The following PPFIBP2 variants were observed in gnomAD, a reference collection of about 807,000 sequenced individuals.
PPFIBP2 encodes the protein liprin-beta-2.
In PPFIBP2, 118 loss-of-function variants were observed where a neutral mutation model predicts 118.3. That is an observed-to-expected ratio of 1.00 (90% CI 0.86 to 1.16). PPFIBP2 has a LOEUF of 1.16. PPFIBP2 is among the 50% of genes most tolerant of loss of function. The pLI is 0.00. For missense variants in PPFIBP2, 1,195 were observed against 1,073.1 expected, an observed-to-expected ratio of 1.11 and a Z score of -1.59; for synonymous variants, 414 against 397.4, an observed-to-expected ratio of 1.04 and a Z score of -0.50.
rs118167257 is a variant in PPFIBP2 at position 7,519,941 on chromosome 11, T to C, written c.-37+5820T>C. 6.7e-3 allele frequency among the ~76,000 whole-genome samples: 1,020 copies of C among 152,294 alleles called. 6 individuals are homozygous for C. Among genetic ancestry groups the C allele is most frequent in the Non-Finnish European group, 0.011 (720 of 68,016 alleles). On this transcript the variant is annotated intron_variant, in intron 1 of 23. Transcript: ENST00000299492. The stretch of plus-strand genomic sequence containing the variant: ...AGGTGAGATCAGTGACTGATCTGCA[T>C]GCACAGAGAGGCGACTGGAGGCTAA...
Position 7,641,701 on chromosome 11 carries a change from G to T in PPFIBP2, c.1517+81G>T. ...GGCAAAGAGTCTATGTAAGCCCCTG[G>T]TCCAATAGACACTGAAACAGCAGTC... On this transcript the variant is annotated intron_variant, in intron 16 of 23. Coordinates refer to ENST00000299492, the MANE Select transcript of PPFIBP2 (RefSeq NM_003621.5). 2.2e-6 allele frequency: 3 copies of T among 1,376,710 alleles called. No homozygotes were observed. In the South Asian group the frequency reaches 4.0e-5, roughly 18 times the overall value. The allele number at this position is 1,376,710 out of a possible 1,614,324, so 85.3% of individuals were successfully genotyped here.
chr11:7,549,567 G>GGTCT, intron 2 of PPFIBP2, 28 bp downstream of exon 2: 2 of 1,515,158 alleles, frequency 1.3e-6, no homozygotes, highest in Non-Finnish European at 1.8e-6. Flanking sequence ...CAGCAACCAA[G>GGTCT]GTCTCATCCT....
chr11:7,574,236 C>G (rs1856000375), intron 3 of PPFIBP2, among the ~76,000 whole-genome samples: 1 of 152,172 alleles, frequency 6.6e-6, no homozygotes, highest in Non-Finnish European at 1.5e-5. Context: ...AAAGTACTTC[C>G]AGGAAGGCCT....
Position 7,642,415 on chromosome 11 carries a change from G to A in PPFIBP2, c.1635G>A (p.Lys545=). The change falls in exon 17 of 24, where the codon AAG becomes AAA. Residue 545 remains lysine (K), a synonymous_variant. Coordinates refer to ENST00000299492, the MANE Select transcript of PPFIBP2 (RefSeq NM_003621.5). Reference sequence around the variant, plus strand: ...GACTCTCTAGGACCAGGGACTCCAAGGGACAGAAAAGGTAAGGCTTGACCC... The same window carrying A: ...GACTCTCTAGGACCAGGGACTCCAAAGGACAGAAAAGGTAAGGCTTGACCC... ...GPRLSRTRDS[K]GQKSDANAPF... is the part of the protein sequence containing the mutation. 4 of 1,613,398 alleles carry A rather than the reference G, an allele frequency of 2.5e-6. No individual in the cohort carries two copies. The highest frequency in any genetic ancestry group is 3.4e-6 in the Non-Finnish European group (4 of 1,179,594).
At chr11:7,562,103 A>C (rs1854362644) in intron 2 of PPFIBP2, among the ~76,000 whole-genome samples, 1 of 152,198 alleles carries the variant, frequency 6.6e-6, no homozygotes, top group African/African-American at 2.4e-5. Context: ...CACCTATGAG[A>C]ATCTAACGCC....
In PPFIBP2 at chr11:7,593,117, T is replaced by C. The variant is rs73411183; in HGVS notation, c.280-15T>C. On this transcript the variant is annotated splice_polypyrimidine_tract_variant and intron_variant, in intron 3 of 23. Coordinates refer to ENST00000299492, the MANE Select transcript of PPFIBP2 (RefSeq NM_003621.5). ...CAACCTTTTAAGTGTATTCTTTTTT[T>C]TCTGTCCTCTTTAGTCCCAGGTAAA... 5,646 of 1,607,018 alleles carry C rather than the reference T, an allele frequency of 3.5e-3. 165 individuals carry two copies. The African/African-American group carries it at 0.068, about 19-fold the overall frequency.
At chr11:7,580,697 A>C (rs1415427081) in intron 3 of PPFIBP2, among the ~76,000 whole-genome samples, 1 of 152,222 alleles carries the variant, frequency 6.6e-6, no homozygotes, top group Non-Finnish European at 1.5e-5. Context: ...GTGTGATCCA[A>C]GGTAAATTAT....
In PPFIBP2 at chr11:7,592,996, G is replaced by A. The variant is rs1052245216; in HGVS notation, c.280-136G>A. On this transcript the variant is annotated intron_variant, in intron 3 of 23. Coordinates refer to ENST00000299492, the MANE Select transcript of PPFIBP2 (RefSeq NM_003621.5). ...TAGTTTTGAAATCTTGTGGTTTCCT[G>A]TTTTGATGATTGGTTTTGTACATAT... The A allele has an allele frequency of 9.8e-5, 129 of 1,315,638 alleles. 1 individual carries two copies. The highest frequency in any genetic ancestry group is 5.4e-5 in the Non-Finnish European group (53 of 989,544). 81.5% of individuals were successfully genotyped at this position (1,315,638 alleles called of 1,614,324 possible).
intron 14 of PPFIBP2, among the ~76,000 whole-genome samples, chr11:7,639,403 G>A (rs139211395): frequency 1.1e-4 from 17 of 152,302 alleles, no homozygotes; most frequent in African/African-American, 3.8e-4. Context: ...ATTCACGGCT[G>A]TTAATTCATT....
chr11:7,639,990 G>C, intron 15 of PPFIBP2, 120 bp downstream of exon 15: 1 of 1,401,490 alleles, frequency 7.1e-7, no homozygotes, highest in Non-Finnish European at 9.4e-7. Flanking sequence ...GGGGTGGGTG[G>C]CTGGAACAAG....
chr11:7,572,323 TGGGG>T (rs1327544079), intron 3 of PPFIBP2, among the ~76,000 whole-genome samples: 1 of 152,188 alleles, frequency 6.6e-6, no homozygotes, highest in Non-Finnish European at 1.5e-5. Context: ...CAGCCAAGAC[TGGGG>T]GCCTTCAGCC....
rs185336616 is a variant in PPFIBP2, at chr11:7,558,773, A to G, written c.65-6780A>G. Among the ~76,000 whole-genome samples, 195 of 152,170 alleles carry G rather than the reference A, an allele frequency of 1.3e-3. 1 individual carries two copies. Among genetic ancestry groups the G allele is most frequent in the African/African-American group, 4.1e-3 (172 of 41,548 alleles). ...TGTCTCAAAAAAAAAAAAAGAAAGA[A>G]AAAAAGGCTTTCAATGAAATCCTAT... is the stretch of plus-strand genomic sequence containing the variant. On this transcript the variant is annotated intron_variant, in intron 2 of 23. Transcript: ENST00000299492.
At chr11:7,596,468 A>G (rs905538982) in intron 4 of PPFIBP2, among the ~76,000 whole-genome samples, 1 of 152,028 alleles carries the variant, frequency 6.6e-6, no homozygotes, top group Non-Finnish European at 1.5e-5. Context: ...ATATGTTTCA[A>G]TAATTCATTA....
At chr11:7,635,086 C>T (rs1475161017) in intron 13 of PPFIBP2, among the ~76,000 whole-genome samples, 2 of 152,122 alleles carry the variant, frequency 1.3e-5, no homozygotes, top group African/African-American at 4.8e-5. Context: ...AGGAGTAGCC[C>T]TTGATCATGT....
intron 2 of PPFIBP2, among the ~76,000 whole-genome samples, chr11:7,558,485 G>C (rs145332456): frequency 2.6e-5 from 4 of 152,200 alleles, no homozygotes; most frequent in Non-Finnish European, 2.9e-5. Context: ...AGCTGGCTGC[G>C]GTGGCTCACG....
At chr11:7,664,344 A>G in the PPFIBP2 span, among the ~76,000 whole-genome samples, 1 of 152,282 alleles carries the variant, frequency 6.6e-6, no homozygotes, top group Admixed American at 6.5e-5. Context: ...GGGATTGCCA[A>G]AAGTTGGTAG....
the PPFIBP2 span, chr11:7,667,304 A>C: frequency 6.7e-6 from 1 of 149,576 alleles, no homozygotes; most frequent in East Asian, 2.0e-4. Flanking sequence ...CTTAAAGAGA[A>C]GAAAATGCCT....
the PPFIBP2 span, chr11:7,665,371 G>GCGTT: frequency 1.3e-6 from 2 of 1,544,630 alleles, no homozygotes; most frequent in Admixed American, 2.1e-5. Flanking sequence ...GCACGTGGAG[G>GCGTT]TGTTAGTAGG....
At chr11:7,619,648 G>A (rs1253917153) in intron 6 of PPFIBP2, among the ~76,000 whole-genome samples, 1 of 152,220 alleles carries the variant, frequency 6.6e-6, no homozygotes, top group African/African-American at 2.4e-5. Flanking sequence ...GGTGGTGCCT[G>A]AGTGGGAAAG....
Sources: allele counts gnomAD v4.1 joint callset (sites outside exome capture counted in the v4.1 genomes callset), GRCh38; gene constraint gnomAD v4.1.1; transcripts MANE v1.5; gene names NCBI Gene and HGNC (gene_info 2026-07-23, HGNC 2026-07-21).